Variants in TM9SF2 observed in about 807,000 individuals in gnomAD.
TM9SF2 encodes transmembrane 9 superfamily member 2.
In TM9SF2, 13 loss-of-function variants were observed where a neutral mutation model predicts 84.9. That is an observed-to-expected ratio of 0.15 (90% CI 0.10 to 0.24). The LOEUF is 0.24. Ranked by LOEUF, TM9SF2 falls within the 10% of genes least tolerant of loss-of-function variation. The probability of loss-of-function intolerance (pLI) is 1.00; values close to 1 mark genes in which losing one functional copy is unlikely to be tolerated. For missense variants in TM9SF2, 562 were observed against 818.5 expected (o/e 0.69, Z 3.82); for synonymous variants, 273 against 285.8 (o/e 0.96, Z 0.45).
At position 99,543,869 on chromosome 13, in the gene TM9SF2, G is replaced by T; in HGVS notation, c.1024G>T (p.Ala342Ser). The T allele has an allele frequency of 6.2e-7, 1 of 1,613,956 alleles. No homozygotes were observed. The highest frequency in any genetic ancestry group is 1.3e-5 in the African/African-American group (1 of 75,020). ...RYNQMDSTED[A>S]QEEFGWKLVH... is the part of the protein sequence containing the mutation. ...GATTTCATTCCCCTTTTAGGAAGAT[G>T]CCCAGGAAGAATTTGGCTGGAAACT... Residue 342 changes from alanine to serine, a missense_variant, in exon 10 of 17, where the codon GCC becomes TCC. Physicochemically the swap from Ala to Ser is moderately conservative, Grantham distance 99. Transcript: ENST00000376387.
At chr13:99,555,812 TCCC>T (rs2046322813) in intron 15 of TM9SF2, among the ~76,000 whole-genome samples, 165 bp downstream of exon 15, 5 of 152,180 alleles carry the variant, frequency 3.3e-5, no homozygotes, top group African/African-American at 4.8e-5. Context: ...GATTAAGATA[TCCC>T]AGTTCAGTAT....
In TM9SF2 at chr13:99,507,913, C is replaced by T. The variant is rs183536099; in HGVS notation, c.171+6136C>T. On this transcript the variant is annotated intron_variant, in intron 1 of 16. Coordinates refer to ENST00000376387, the MANE Select transcript of TM9SF2 (RefSeq NM_004800.3). The stretch of plus-strand genomic sequence containing the variant: ...AATAAGGTGGGAATAAAAGCAGAAA[C>T]GAACTAGGAAATGGGAAAAAGTGTA... 5.3e-5 allele frequency among the ~76,000 whole-genome samples: 8 copies of T among 152,194 alleles called. No homozygotes were observed. The East Asian group carries it at 9.6e-4, about 18-fold the overall frequency.
chr13:99,528,212 C>T (rs2139086743), intron 3 of TM9SF2, among the ~76,000 whole-genome samples: 1 of 152,314 alleles, frequency 6.6e-6, no homozygotes, highest in Non-Finnish European at 1.5e-5. Flanking sequence ...CAACTAAACA[C>T]ATGACAGGGA....
chr13:99,522,735 A>T lies in TM9SF2; in HGVS notation c.333+2606A>T, dbSNP rs374399673. ...AGTCCCTAGCAGGAAACAGAAGGAA[A>T]CCCAGCAAAATACTCAAACCCATGG... On this transcript the variant is annotated intron_variant, in intron 3 of 16. Coordinates refer to ENST00000376387, the MANE Select transcript of TM9SF2 (RefSeq NM_004800.3). Among the ~76,000 whole-genome samples the T allele has an allele frequency of 2.0e-3, 297 of 152,266 alleles. 12 individuals carry two copies. In the South Asian group the frequency reaches 0.059, roughly 30 times the overall value.
At chr13:99,508,782 C>G (rs2046100812) in intron 1 of TM9SF2, among the ~76,000 whole-genome samples, 1 of 152,158 alleles carries the variant, frequency 6.6e-6, no homozygotes, top group South Asian at 2.1e-4. Flanking sequence ...AGGACTCACT[C>G]ACCATCATGA....
At chr13:99,504,147 T>C (rs1396153416) in intron 1 of TM9SF2, among the ~76,000 whole-genome samples, 1 of 152,266 alleles carries the variant, frequency 6.6e-6, no homozygotes. Flanking sequence ...TTGAAATTTG[T>C]ATTACTTCAA....
chr13:99,507,216 T>G (rs531009549), intron 1 of TM9SF2, among the ~76,000 whole-genome samples: 8 of 152,336 alleles, frequency 5.3e-5, no homozygotes, highest in African/African-American at 1.9e-4. Flanking sequence ...AGCCCAAGAC[T>G]GAGTCCAAAA....
chr13:99,533,534 C>T (rs952163800), intron 4 of TM9SF2, among the ~76,000 whole-genome samples: 4 of 152,176 alleles, frequency 2.6e-5, no homozygotes, highest in Admixed American at 2.6e-4. Context: ...TTTCATAATT[C>T]ACTGCATGAA....
chr13:99,511,515 A>G (rs1220254698), intron 1 of TM9SF2, among the ~76,000 whole-genome samples: 3 of 152,234 alleles, frequency 2.0e-5, no homozygotes, highest in Admixed American at 6.5e-5. Flanking sequence ...TTGCAAATGT[A>G]GCATATTTAC....
intron 1 of TM9SF2, among the ~76,000 whole-genome samples, chr13:99,506,954 ACTAT>A (rs1483873883): frequency 2.6e-5 from 4 of 152,256 alleles, no homozygotes; most frequent in Admixed American, 1.3e-4. Flanking sequence ...ATTAAAATTA[ACTAT>A]CTATGAAAGG....
chr13:99,552,690 A>T (rs1263270751), intron 13 of TM9SF2, among the ~76,000 whole-genome samples: 1 of 152,128 alleles, frequency 6.6e-6, no homozygotes, highest in Non-Finnish European at 1.5e-5. Flanking sequence ...TGCAACCTCC[A>T]CCTTCAGGGT....
chr13:99,552,026 A>G, intron 12 of TM9SF2, 141 bp from the exon 13 acceptor site: 1 of 815,748 alleles, frequency 1.2e-6, no homozygotes, highest in East Asian at 2.9e-5. Context: ...GTCAAGTTTT[A>G]CATTCAGACA....
At chr13:99,514,051 T>C (rs1321050071) in intron 1 of TM9SF2, among the ~76,000 whole-genome samples, 1 of 152,224 alleles carries the variant, frequency 6.6e-6, no homozygotes. Flanking sequence ...AGAAACACTG[T>C]ATACAGTCAT....
chr13:99,555,001 C>CTG (rs2046320057), intron 14 of TM9SF2, among the ~76,000 whole-genome samples: 1 of 152,188 alleles, frequency 6.6e-6, no homozygotes, highest in Non-Finnish European at 1.5e-5. Flanking sequence ...TTGAGCCATT[C>CTG]TGTGTGTGTG....
At chr13:99,540,557 C>CTTT in intron 7 of TM9SF2, 157 bp from the exon 8 acceptor site, 1 of 266,222 alleles carries the variant, frequency 3.8e-6, no homozygotes, top group South Asian at 8.2e-5. Context: ...TTTAGTAAAT[C>CTTT]TGAAACTCTC....
At chr13:99,549,311 C>A in intron 12 of TM9SF2, 89 bp downstream of exon 12, 3 of 993,076 alleles carry the variant, frequency 3.0e-6, no homozygotes, top group East Asian at 2.4e-5. Flanking sequence ...TCCTCCGTGT[C>A]TCTAAATCAT....
chr13:99,517,517 C>A, intron 1 of TM9SF2, 97 bp from the exon 2 acceptor site: 1 of 699,428 alleles, frequency 1.4e-6, no homozygotes, highest in Non-Finnish European at 2.3e-6. Context: ...TAACATTTTA[C>A]ATTTCAGACA....
intron 1 of TM9SF2, among the ~76,000 whole-genome samples, chr13:99,503,709 CAAA>C (rs386380419): frequency 2.5e-5 from 2 of 78,502 alleles, no homozygotes; most frequent in African/African-American, 5.1e-5. Context: ...GACTTTGTCT[CAAA>C]AAAAAAAAAA....
At chr13:99,527,237 T>C (rs753538907) in intron 3 of TM9SF2, among the ~76,000 whole-genome samples, 2 of 152,124 alleles carry the variant, frequency 1.3e-5, no homozygotes, top group Non-Finnish European at 2.9e-5. Flanking sequence ...GTCCTGCCCA[T>C]TAGTCCTAGT....
Sources: allele counts gnomAD v4.1 joint callset (sites outside exome capture counted in the v4.1 genomes callset), GRCh38; gene constraint gnomAD v4.1.1; transcripts MANE v1.5; gene names NCBI Gene and HGNC (gene_info 2026-07-23, HGNC 2026-07-21).